The following IGSF9B variants were observed in gnomAD, a reference collection of about 807,000 sequenced individuals.
IGSF9B encodes the protein protein turtle homolog B.
IGSF9B carries 48 observed loss-of-function variants against 143.7 expected under a neutral mutation model. The ratio of observed to expected loss-of-function variants is 0.33; its 90% CI spans 0.26 to 0.42. The LOEUF (loss-of-function observed/expected upper bound fraction) is 0.42, where lower values mean the gene tolerates loss of function less well. Ranked by LOEUF, IGSF9B falls within the 20% of genes least tolerant of loss-of-function variation. IGSF9B has a pLI of 1.00. For missense variants in IGSF9B, 1,706 were observed against 1,980.0 expected (o/e 0.86, Z 2.63); for synonymous variants, 903 against 833.1 (o/e 1.08, Z -1.44).
rs1205894934 is a variant in IGSF9B at position 133,928,312 on chromosome 11, A to AG, written c.1632-1222dup. ...ACGCTGCTGCGGGAGGAACAGAGTA[A>AG]GGGGACGGGAGGTGAGCTGCGGCAA... On this transcript the variant is annotated intron_variant, in intron 12 of 19. Transcript: ENST00000533871. This position sits in a 1 kb window ranked among gnomAD's most constrained non-coding sequence, Gnocchi z 4.7. 6.6e-6 allele frequency among the ~76,000 whole-genome samples: 1 copy of AG among 152,156 alleles called. No homozygotes were observed. The highest frequency in any genetic ancestry group is 1.9e-4 in the East Asian group (1 of 5,176).
intron 5 of IGSF9B, among the ~76,000 whole-genome samples, chr11:133,936,668 A>C (rs1485118585): frequency 6.6e-6 from 1 of 152,074 alleles, no homozygotes; most frequent in Non-Finnish European, 1.5e-5. Context: ...CCTGAGAGGG[A>C]ACAGCTTCCA....
At position 133,928,621 on chromosome 11, in the gene IGSF9B, T is replaced by A. The variant is rs932577999; in HGVS notation, c.1631+1050A>T. On this transcript the variant is annotated intron_variant, in intron 12 of 19. Transcript: ENST00000533871. This position sits in a 1 kb window ranked among gnomAD's most constrained non-coding sequence, Gnocchi z 4.7. ...AAAGAAGGCACTGAGGGGCTCGCCC[T>A]CCCAGCTCAAGGTTGTCACCCCCGG... is the stretch of plus-strand genomic sequence containing the variant. 1.3e-5 allele frequency among the ~76,000 whole-genome samples: 2 copies of A among 152,112 alleles called. No homozygotes were observed. Among genetic ancestry groups the A allele is most frequent in the African/African-American group, 4.8e-5 (2 of 41,426 alleles).
rs750701608 is a variant in IGSF9B at position 133,920,952 on chromosome 11, G to A, written c.2773C>T (p.Pro925Ser). 1.2e-6 allele frequency: 2 copies of A among 1,610,822 alleles called. No individual in the cohort carries two copies. The highest frequency in any genetic ancestry group is 1.7e-6 in the Non-Finnish European group (2 of 1,178,656). ...TGGAACCGAGGGCTGTATGCTGGTGGTGGCAGGTAGGACTCCTGGCTGGAT... is the reference window on the plus strand; with the variant it reads ...TGGAACCGAGGGCTGTATGCTGGTGATGGCAGGTAGGACTCCTGGCTGGAT... Reference protein sequence around the residue: ...LSSSQESYLPPPAYSPRFQPR... With the variant: ...LSSSQESYLPSPAYSPRFQPR... Residue 925 changes from proline to serine, a missense_variant, in exon 18 of 20, where the codon CCA becomes TCA. Coordinates refer to ENST00000533871, the MANE Select transcript of IGSF9B (RefSeq NM_001277285.4).
rs554982274 is a variant in IGSF9B at position 133,947,544 on chromosome 11, C to T, written c.65-1286G>A. ...GCAGGGGAGGATGCCCAGAGGAGGG[C>T]AGCACCAGCCCCTGCCATTCCCCAT... On this transcript the variant is annotated intron_variant, in intron 1 of 19. Transcript: ENST00000533871. 5.3e-5 allele frequency among the ~76,000 whole-genome samples: 8 copies of T among 152,332 alleles called. No homozygotes were observed. In the South Asian group the frequency reaches 1.7e-3, roughly 32 times the overall value.
Position 133,920,766 on chromosome 11 carries a change from C to G in IGSF9B, c.2959G>C (p.Glu987Gln). ...EVEPPPFYVP[E>Q]VGSPLSSVMS... Reference sequence around the variant, plus strand: ...ACGGAGCTCAGGGGGCTGCCCACTTCTGGCACGTAGAACGGGGGCGGCTCC... The same window carrying G: ...ACGGAGCTCAGGGGGCTGCCCACTTGTGGCACGTAGAACGGGGGCGGCTCC... The change falls in exon 18 of 20, where the codon GAA (glutamate) becomes CAA (glutamine). Residue 987 changes from glutamate (E) to glutamine (Q), a missense_variant. This residue lies in a region of IGSF9B where 880 missense variants were observed against 762.9 expected (regional missense o/e 1.15). Coordinates refer to ENST00000533871, the MANE Select transcript of IGSF9B (RefSeq NM_001277285.4). 1.9e-6 allele frequency: 3 copies of G among 1,612,246 alleles called. No individual in the cohort carries two copies. The highest frequency in any genetic ancestry group is 2.5e-6 in the Non-Finnish European group (3 of 1,179,336).
chr11:133,952,243 T>C (rs892599694), intron 1 of IGSF9B: 7 of 347,908 alleles, frequency 2.0e-5, no homozygotes, highest in Admixed American at 1.8e-4. Flanking sequence ...GCAGCGCCTT[T>C]TGGGGAATGG....
rs1440488871 is a variant in IGSF9B at position 133,897,541 on chromosome 11, G to C, written c.*11528C>G. On this transcript the variant is annotated 3_prime_UTR_variant, in exon 20 of 20. Coordinates refer to ENST00000533871, the MANE Select transcript of IGSF9B (RefSeq NM_001277285.4). ...GTCCCCAAGACCCAGCCCCAGGCTTGGCACGCGCTGGCATTCCCAGGCTTT... is the reference window on the plus strand; with the variant it reads ...GTCCCCAAGACCCAGCCCCAGGCTTCGCACGCGCTGGCATTCCCAGGCTTT... 1 of 152,264 alleles carries C rather than the reference G, an allele frequency of 6.6e-6. No homozygotes were observed. Among genetic ancestry groups the C allele is most frequent in the East Asian group, 1.9e-4 (1 of 5,180 alleles). The allele number at this position is 152,264 out of a possible 1,614,324, so 9.4% of individuals were successfully genotyped here.
chr11:133,918,827 G>GT (rs1939446235), intron 18 of IGSF9B, among the ~76,000 whole-genome samples: 2 of 128,018 alleles, frequency 1.6e-5, no homozygotes, highest in African/African-American at 2.5e-5. Context: ...AGAGAAGAGG[G>GT]CGGGGGACGG....
Position 133,920,640 on chromosome 11 carries a change from G to A in IGSF9B, c.3085C>T (p.Gln1029Ter). The change falls in exon 18 of 20, where the codon CAG becomes TAG. Residue 1029 changes from glutamine (Q) to a stop codon, truncating the protein, a stop_gained. Coordinates refer to ENST00000533871, the MANE Select transcript of IGSF9B (RefSeq NM_001277285.4). LOFTEE classifies it high-confidence loss of function. ...NASNSTLPLT[Q>*]TPTGGRSPEP... Reference sequence around the variant, plus strand: ...GGGGAGCGCCCTCCTGTAGGTGTCTGAGTCAAGGGCAGCGTGCTGTTGGAT... The same window carrying A: ...GGGGAGCGCCCTCCTGTAGGTGTCTAAGTCAAGGGCAGCGTGCTGTTGGAT... The A allele has an allele frequency of 1.2e-6, 2 of 1,613,544 alleles. No homozygotes were observed. Among genetic ancestry groups the A allele is most frequent in the Non-Finnish European group, 1.7e-6 (2 of 1,179,836 alleles).
At position 133,904,127 on chromosome 11, in the gene IGSF9B, G is replaced by A. The variant is rs1400523687; in HGVS notation, c.*4942C>T. On this transcript the variant is annotated 3_prime_UTR_variant, in exon 20 of 20. Coordinates refer to ENST00000533871, the MANE Select transcript of IGSF9B (RefSeq NM_001277285.4). ...AAGCCACTGTGCAACTTCATGGCCG[G>A]AAGGAAGCCTCTCTACCTCAAGAGG... Among the ~76,000 whole-genome samples, 1 of 152,172 alleles carries A rather than the reference G, an allele frequency of 6.6e-6. No individual in the cohort carries two copies. The highest frequency in any genetic ancestry group is 1.5e-5 in the Non-Finnish European group (1 of 68,036).
intron 18 of IGSF9B, among the ~76,000 whole-genome samples, chr11:133,917,463 C>T (rs1472362363): frequency 6.6e-6 from 1 of 152,050 alleles, no homozygotes; most frequent in African/African-American, 2.4e-5. Flanking sequence ...CCTGCCCCCT[C>T]CCCTCGGGGA....
At position 133,911,891 on chromosome 11, in the gene IGSF9B, C is replaced by G; in HGVS notation, c.4100G>C (p.Arg1367Pro). 2 of 1,528,244 alleles carry G rather than the reference C, an allele frequency of 1.3e-6. No individual in the cohort carries two copies. The highest frequency in any genetic ancestry group is 1.7e-6 in the Non-Finnish European group (2 of 1,144,296). The allele number at this position is 1,528,244 out of a possible 1,614,324, so 94.7% of individuals were successfully genotyped here. ...SSKGSSKSKK[R>P]SDDSASQTQQ... ...GGCCACTGCCCATCATTTACCGGAT[C>G]GTTTCTTTGACTTCGAAGAGCCCTT... The change falls in exon 19 of 20, where the codon CGA (arginine) becomes CCA (proline). Residue 1367 changes from arginine (R) to proline (P), a missense_variant. Arg to Pro is a moderately radical substitution (Grantham distance 103). Transcript: ENST00000533871.
chr11:133,905,567 A>T lies in IGSF9B; in HGVS notation c.*3502T>A, dbSNP rs1425147733. On this transcript the variant is annotated 3_prime_UTR_variant, in exon 20 of 20. Transcript: ENST00000533871. The surrounding 1 kb of genome is among the most constrained non-coding windows in gnomAD (Gnocchi z 4.0). ...AGAGCATGGAAAAATAACAAGAAAT[A>T]CTCGGCTCAATCCACCCGGCTTCAG... Among the ~76,000 whole-genome samples, 1 of 152,082 alleles carries T rather than the reference A, an allele frequency of 6.6e-6. No homozygotes were observed. The highest frequency in any genetic ancestry group is 2.4e-5 in the African/African-American group (1 of 41,382).
intron 3 of IGSF9B, among the ~76,000 whole-genome samples, chr11:133,941,827 A>G (rs1045350698): frequency 6.6e-6 from 1 of 151,908 alleles, no homozygotes; most frequent in Admixed American, 6.6e-5. Context: ...TGGCTGGAGG[A>G]CCCTACTCCA....
At chr11:133,930,886 T>G in intron 11 of IGSF9B, 98 bp downstream of exon 11, 1 of 1,236,438 alleles carries the variant, frequency 8.1e-7, no homozygotes, top group African/African-American at 1.5e-5. Flanking sequence ...GCCCGCAGAG[T>G]GCAGCGGCCA....
chr11:133,919,501 G>C (rs1939465921), intron 18 of IGSF9B, among the ~76,000 whole-genome samples: 1 of 152,198 alleles, frequency 6.6e-6, no homozygotes, highest in South Asian at 2.1e-4. Flanking sequence ...GAGAGCTCAG[G>C]GCTTGCCGGA....
At chr11:133,912,494 C>T (rs1939316592) in intron 18 of IGSF9B, 9 of 387,806 alleles carry the variant, frequency 2.3e-5, no homozygotes, top group Middle Eastern at 3.8e-4. Flanking sequence ...AGAAACCCGA[C>T]CCCCAGTAAG....
chr11:133,918,499 G>C (rs1210051041), intron 18 of IGSF9B, among the ~76,000 whole-genome samples: 2 of 152,184 alleles, frequency 1.3e-5, no homozygotes, highest in Admixed American at 6.5e-5. Context: ...AAAGCACAGA[G>C]ACAGGGCGGC....
rs142317840 is a variant in IGSF9B, at chr11:133,948,085, G to GTC, written c.65-1828_65-1827insGA. 0.22 allele frequency among the ~76,000 whole-genome samples: 32,183 copies of GTC among 149,202 alleles called. 4,118 individuals carry two copies. The highest frequency in any genetic ancestry group is 0.43 in the East Asian group (2,100 of 4,916). On this transcript the variant is annotated intron_variant, in intron 1 of 19. Coordinates refer to ENST00000533871, the MANE Select transcript of IGSF9B (RefSeq NM_001277285.4). This position sits in a 1 kb window ranked among gnomAD's most constrained non-coding sequence, Gnocchi z 4.7. Reference sequence around the variant, plus strand: ...TGTGTGTGTGTGTGTGTGTGTGTGTGTGTGTCTGTGTGTGTTTCGGTTGGC... The same window carrying GTC: ...TGTGTGTGTGTGTGTGTGTGTGTGTGTCTGTGTCTGTGTGTGTTTCGGTTGGC...
Sources: gnomAD v4.1 joint callset for allele counts (sites outside exome capture counted in the v4.1 genomes callset) on GRCh38, gnomAD v4.1.1 for gene constraint, gnomAD v4.1.1 regional missense constraint, Gnocchi (gnomAD v3.1) non-coding constraint, MANE v1.5 for transcripts, NCBI Gene and HGNC (gene_info 2026-07-23, HGNC 2026-07-21) for gene names.